VARS2: variants seen among roughly 807,000 people sequenced by gnomAD.
The protein encoded by VARS2 is valine--tRNA ligase, mitochondrial.
VARS2 carries 105 observed loss-of-function variants against 154.1 expected under a neutral mutation model. The observed-to-expected ratio is 0.68, with a 90% CI of 0.58 to 0.80. The LOEUF is 0.80. Ranked by LOEUF, VARS2 falls within the 30% of genes least tolerant of loss-of-function variation. The pLI is 0.00. For synonymous variants in VARS2, 483 were observed against 539.5 expected (o/e 0.90, Z 1.45); for missense variants, 1,157 against 1,361.4 (o/e 0.85, Z 2.36).
rs759704509 is a variant in VARS2 at position 30,920,374 on chromosome 6, GCTGAGTGAATGGGGC to G, written c.1339_1353del (p.Ser447_Leu451del). 1.9e-6 allele frequency: 3 copies of G among 1,613,320 alleles called. No individual in the cohort carries two copies. Among genetic ancestry groups the G allele is most frequent in the Non-Finnish European group, 1.7e-6 (2 of 1,179,738 alleles). ...TGGCCCGGGAAAAGATAATGTCTGTGCTGAGTGAATGGGGCCTGTTCCGGGGCCTCCAGAACCACC... is the reference window on the plus strand; with the variant it reads ...TGGCCCGGGAAAAGATAATGTCTGTGCTGTTCCGGGGCCTCCAGAACCACC... On this transcript the variant is annotated inframe_deletion, in exon 14 of 30. Coordinates refer to ENST00000676266, the MANE Select transcript of VARS2 (RefSeq NM_020442.6). The surrounding 1 kb of genome is among the most constrained non-coding windows in gnomAD (Gnocchi z 4.6).
chr6:30,919,584 C>T lies in VARS2; in HGVS notation c.1075-174C>T, dbSNP rs571671813. ...AATTGTGCTGAGAATGAATTTGTCT[C>T]TAGGCCCAAAAGCCTAAAATATCTA... On this transcript the variant is annotated intron_variant, in intron 11 of 29. Coordinates refer to ENST00000676266, the MANE Select transcript of VARS2 (RefSeq NM_020442.6). The surrounding 1 kb of genome is among the most constrained non-coding windows in gnomAD (Gnocchi z 4.5). 281 of 500,500 alleles carry T rather than the reference C, an allele frequency of 5.6e-4. No individual in the cohort carries two copies. The highest frequency in any genetic ancestry group is 7.0e-4 in the Non-Finnish European group (196 of 281,914). The allele number at this position is 500,500 out of a possible 1,614,324, so 31.0% of individuals were successfully genotyped here.
chr6:30,920,009 C>T lies in VARS2; in HGVS notation c.1166-80C>T, dbSNP rs1435073395. On this transcript the variant is annotated intron_variant, in intron 12 of 29. Transcript: ENST00000676266. The surrounding 1 kb of genome is among the most constrained non-coding windows in gnomAD (Gnocchi z 4.6). ...ACAGAGAAAGTCGCAGGGGCTGGGGCGGTGCAGGTGATGATGATACATCTG... is the reference window on the plus strand; with the variant it reads ...ACAGAGAAAGTCGCAGGGGCTGGGGTGGTGCAGGTGATGATGATACATCTG... The T allele has an allele frequency of 1.0e-5, 15 of 1,503,760 alleles. No homozygotes were observed. Among genetic ancestry groups the T allele is most frequent in the African/African-American group, 5.6e-5 (4 of 71,490 alleles). The allele number at this position is 1,503,760 out of a possible 1,614,324, so 93.2% of individuals were successfully genotyped here. A position where few individuals can be genotyped will look rare whatever the true frequency, so the allele number is the denominator to read the frequency against.
intron 25 of VARS2, 78 bp from the exon 26 acceptor site, chr6:30,924,276 C>A (rs890719807): frequency 6.6e-7 from 1 of 1,504,142 alleles, no homozygotes; most frequent in Non-Finnish European, 9.2e-7. Context: ...TGGCCTGCCC[C>A]ACTGGCGGGT....
chr6:30,920,788 G>A lies in VARS2; in HGVS notation c.1479+39G>A. Reference sequence around the variant, plus strand: ...GTAGGAAGGACTGGGGCCAGGGGTTGGGGGAGCTCCCTGAGAATTGGAATG... The same window carrying A: ...GTAGGAAGGACTGGGGCCAGGGGTTAGGGGAGCTCCCTGAGAATTGGAATG... On this transcript the variant is annotated intron_variant, in intron 15 of 29. Transcript: ENST00000676266. This position sits in a 1 kb window ranked among gnomAD's most constrained non-coding sequence, Gnocchi z 4.6. 1 of 1,486,764 alleles carries A rather than the reference G, an allele frequency of 6.7e-7. No homozygotes were observed. The highest frequency in any genetic ancestry group is 9.0e-7 in the Non-Finnish European group (1 of 1,106,996). 92.1% of individuals were successfully genotyped at this position (1,486,764 alleles called of 1,614,324 possible).
chr6:30,914,797 C>A lies in VARS2; in HGVS notation c.-27-13C>A. Reference sequence around the variant, plus strand: ...CCCCATATCCTAATGTGCTCTCTCTCTATCCAGAACAGATCTCGGCCCCTT... The same window carrying A: ...CCCCATATCCTAATGTGCTCTCTCTATATCCAGAACAGATCTCGGCCCCTT... On this transcript the variant is annotated splice_polypyrimidine_tract_variant and intron_variant, in intron 1 of 29. Coordinates refer to ENST00000676266, the MANE Select transcript of VARS2 (RefSeq NM_020442.6). 3 of 1,610,612 alleles carry A rather than the reference C, an allele frequency of 1.9e-6. No individual in the cohort carries two copies. The highest frequency in any genetic ancestry group is 2.5e-6 in the Non-Finnish European group (3 of 1,178,374).
rs1794832593 is a variant in VARS2 at position 30,926,238 on chromosome 6, T to C, written c.*28T>C. ...CATCATCCCCATCAGTTTTCCTCCC[T>C]CTCAGACCTGTCTTTGAGGACAAAC... On this transcript the variant is annotated 3_prime_UTR_variant, in exon 30 of 30. Coordinates refer to ENST00000676266, the MANE Select transcript of VARS2 (RefSeq NM_020442.6). 1 of 1,607,846 alleles carries C rather than the reference T, an allele frequency of 6.2e-7. No individual in the cohort carries two copies. Among genetic ancestry groups the C allele is most frequent in the African/African-American group, 1.3e-5 (1 of 74,834 alleles).
At position 30,917,754 on chromosome 6, in the gene VARS2, CG is replaced by C; in HGVS notation, c.934del (p.Val312CysfsTer23). On this transcript the variant is annotated frameshift_variant, in exon 10 of 30. Transcript: ENST00000676266. LOFTEE classifies it high-confidence loss of function. The surrounding 1 kb of genome is among the most constrained non-coding windows in gnomAD (Gnocchi z 4.4). ...QLRLPGCPTP[V>X]SFGLLFSVAF... ...TTCGACTGCCTGGCTGCCCCACCCC[CG>C]TGTCTTTTGGCCTCCTATTTTCTGT... 1 of 1,566,912 alleles carries C rather than the reference CG, an allele frequency of 6.4e-7. No individual in the cohort carries two copies. Among genetic ancestry groups the C allele is most frequent in the East Asian group, 2.4e-5 (1 of 42,358 alleles).
intron 10 of VARS2, among the ~76,000 whole-genome samples, chr6:30,918,343 G>A (rs1794304096): frequency 6.6e-6 from 1 of 152,246 alleles, no homozygotes; most frequent in African/African-American, 2.4e-5. Flanking sequence ...TGGGATTACG[G>A]GCGTGAGCCA....
chr6:30,915,952 G>C, intron 5 of VARS2, 29 bp from the exon 6 acceptor site: 1 of 1,614,102 alleles, frequency 6.2e-7, no homozygotes, highest in Non-Finnish European at 8.5e-7. Flanking sequence ...TTAAGCTCAG[G>C]GGCTCACAGG....
At position 30,917,333 on chromosome 6, in the gene VARS2, G is replaced by C; in HGVS notation, c.873+109G>C. The C allele has an allele frequency of 8.4e-6, 13 of 1,546,138 alleles. No individual in the cohort carries two copies. Among genetic ancestry groups the C allele is most frequent in the Non-Finnish European group, 1.2e-5 (13 of 1,125,586 alleles). The stretch of plus-strand genomic sequence containing the variant: ...GTGCCTGGATTCAAATCTGATGCCT[G>C]CCTGTTACAGCTGTGTGGCTTTTGG... On this transcript the variant is annotated intron_variant, in intron 9 of 29. Coordinates refer to ENST00000676266, the MANE Select transcript of VARS2 (RefSeq NM_020442.6). This position sits in a 1 kb window ranked among gnomAD's most constrained non-coding sequence, Gnocchi z 4.4.
rs771983924 is a variant in VARS2 at position 30,924,431 on chromosome 6, C to T, written c.2544C>T (p.Leu848=). Residue 848 remains leucine, a synonymous_variant, in exon 26 of 30, where the codon CTC becomes CTT. Transcript: ENST00000676266. The stretch of plus-strand genomic sequence containing the variant: ...AGGTCCTGTTCTCCTGCGCTGACCT[C>T]GGCCTCCGCCTCCTGGCCCCACTGA... ...PPQVLFSCAD[L]GLRLLAPLMP... 9 of 1,612,720 alleles carry T rather than the reference C, an allele frequency of 5.6e-6. No homozygotes were observed. The highest frequency in any genetic ancestry group is 2.7e-5 in the African/African-American group (2 of 74,946).
At position 30,922,511 on chromosome 6, in the gene VARS2, A is replaced by G. The variant is rs1794587677; in HGVS notation, c.1994A>G (p.Asn665Ser). The change falls in exon 21 of 30, where the codon AAT becomes AGT. Residue 665 changes from asparagine (N) to serine (S), a missense_variant. Asn to Ser is a conservative substitution (Grantham distance 46). Coordinates refer to ENST00000676266, the MANE Select transcript of VARS2 (RefSeq NM_020442.6). ...CGGAAGATGAGCAAGTCCCTGGGGA[A>G]TGTGCTGGACCCAAGAGACATCATC... ...QGRKMSKSLG[N>S]VLDPRDIISG... 6.3e-7 allele frequency: 1 copy of G among 1,592,170 alleles called. No homozygotes were observed. Among genetic ancestry groups the G allele is most frequent in the Non-Finnish European group, 8.5e-7 (1 of 1,169,938 alleles).
At position 30,925,993 on chromosome 6, in the gene VARS2, T is replaced by A; in HGVS notation, c.3075T>A (p.Thr1025=). The A allele has an allele frequency of 6.2e-7, 1 of 1,613,086 alleles. No homozygotes were observed. ...ARTPSEGEAG[T]QRQQKLSSLQ... is the part of the protein sequence containing the mutation. ...CCCCATCAGAAGGGGAGGCAGGGACTCAGAGGCAACAAAAGGTAAGGCTGA... is the reference window on the plus strand; with the variant it reads ...CCCCATCAGAAGGGGAGGCAGGGACACAGAGGCAACAAAAGGTAAGGCTGA... Residue 1025 remains threonine (T), a synonymous_variant, in exon 29 of 30, where the codon ACT becomes ACA. Coordinates refer to ENST00000676266, the MANE Select transcript of VARS2 (RefSeq NM_020442.6).
chr6:30,919,224 T>G lies in VARS2; in HGVS notation c.1074+309T>G. On this transcript the variant is annotated intron_variant, in intron 11 of 29. Transcript: ENST00000676266. This position sits in a 1 kb window ranked among gnomAD's most constrained non-coding sequence, Gnocchi z 4.5. ...ACCTCCACCTCCTGGGTTCAAGCAA[T>G]TCTCCTGCCTCAGCCTCCTGAGTAG... is the stretch of plus-strand genomic sequence containing the variant. The G allele has an allele frequency of 3.8e-6, 1 of 263,880 alleles. No homozygotes were observed. Among genetic ancestry groups the G allele is most frequent in the Non-Finnish European group, 7.2e-6 (1 of 139,714 alleles). 16.3% of individuals were successfully genotyped at this position (263,880 alleles called of 1,614,324 possible). A position where few individuals can be genotyped will look rare whatever the true frequency, so the allele number is the denominator to read the frequency against.
chr6:30,920,128 C>G lies in VARS2; in HGVS notation c.1205C>G (p.Ala402Gly). The G allele has an allele frequency of 6.3e-7, 1 of 1,583,048 alleles. No homozygotes were observed. The highest frequency in any genetic ancestry group is 8.6e-7 in the Non-Finnish European group (1 of 1,164,574). ...ACTCCAGCTCACAGTCCTGCCGATG[C>G]TGAGATGGGGGCCCGACATGGCTTG... ...KVTPAHSPAD[A>G]EMGARHGLSP... Residue 402 changes from alanine (A) to glycine (G), a missense_variant, in exon 13 of 30, where the codon GCT becomes GGT. By Grantham distance (60) the Ala-to-Gly change is moderately conservative (BLOSUM62 0). Coordinates refer to ENST00000676266, the MANE Select transcript of VARS2 (RefSeq NM_020442.6). The surrounding 1 kb of genome is among the most constrained non-coding windows in gnomAD (Gnocchi z 4.6).
In VARS2 at chr6:30,917,754, C is replaced by T. The variant is rs776860830; in HGVS notation, c.933C>T (p.Pro311=). 33 of 1,566,794 alleles carry T rather than the reference C, an allele frequency of 2.1e-5. No individual in the cohort carries two copies. Among genetic ancestry groups the T allele is most frequent in the Middle Eastern group, 1.7e-4 (1 of 6,010 alleles). The change falls in exon 10 of 30, where the codon CCC becomes CCT. Residue 311 remains proline (P), a synonymous_variant. Transcript: ENST00000676266. This position sits in a 1 kb window ranked among gnomAD's most constrained non-coding sequence, Gnocchi z 4.4. ...TQLRLPGCPT[P]VSFGLLFSVA... ...TTCGACTGCCTGGCTGCCCCACCCC[C>T]GTGTCTTTTGGCCTCCTATTTTCTG...
chr6:30,926,439 A>G lies in VARS2; in HGVS notation c.*229A>G. 1 of 587,358 alleles carries G rather than the reference A, an allele frequency of 1.7e-6. No homozygotes were observed. Among genetic ancestry groups the G allele is most frequent in the South Asian group, 2.2e-5 (1 of 46,476 alleles). The allele number at this position is 587,358 out of a possible 1,614,324, so 36.4% of individuals were successfully genotyped here. Reference sequence around the variant, plus strand: ...GAAGTCTGGGAATGAGGAGATTGAGATAAACTTTTGAAATCCCAAACATGT... The same window carrying G: ...GAAGTCTGGGAATGAGGAGATTGAGGTAAACTTTTGAAATCCCAAACATGT... On this transcript the variant is annotated 3_prime_UTR_variant, in exon 30 of 30. Transcript: ENST00000676266.
At chr6:30,922,651 C>G in intron 21 of VARS2, 55 bp from the exon 22 acceptor site, 1 of 1,590,760 alleles carries the variant, frequency 6.3e-7, no homozygotes, top group South Asian at 1.2e-5. Context: ...AGGTGTGACC[C>G]TTATAGAGGC....
In VARS2 at chr6:30,922,740, A is replaced by G; in HGVS notation, c.2072A>G (p.Asp691Gly). The change falls in exon 22 of 30, where the codon GAC becomes GGC. Residue 691 changes from aspartate (D) to glycine (G), a missense_variant. Physicochemically the swap from Asp to Gly is moderately conservative, Grantham distance 94. Transcript: ENST00000676266. The part of the protein sequence containing the change: ...LQEKLRSGNL[D>G]PAELAIVAAA... The stretch of plus-strand genomic sequence containing the variant: ...GAAAAGCTGAGAAGCGGAAATTTGG[A>G]CCCTGCAGAGCTGGCCATTGTGGCT... The G allele has an allele frequency of 6.2e-7, 1 of 1,612,526 alleles. No individual in the cohort carries two copies. The highest frequency in any genetic ancestry group is 1.1e-5 in the South Asian group (1 of 90,976).
Sources: allele counts gnomAD v4.1 joint callset (sites outside exome capture counted in the v4.1 genomes callset), GRCh38; gene constraint gnomAD v4.1.1; non-coding constraint Gnocchi (gnomAD v3.1); transcripts MANE v1.5; gene names NCBI Gene and HGNC (gene_info 2026-07-23, HGNC 2026-07-21).